The following RBFOX1 variants were observed in gnomAD, a reference collection of about 807,000 sequenced individuals.
RBFOX1 encodes RNA binding fox-1 homolog 1, also known as RNA binding protein fox-1 homolog 1.
Under a neutral mutation model 57.7 loss-of-function variants are expected in RBFOX1, and 8 were observed. That is an observed-to-expected ratio of 0.14 (90% CI 0.08 to 0.25). The LOEUF (loss-of-function observed/expected upper bound fraction) is 0.25. Ranked by LOEUF, RBFOX1 falls within the 10% of genes least tolerant of loss-of-function variation. RBFOX1 has a pLI of 1.00. For synonymous variants in RBFOX1, 326 were observed against 222.4 expected (o/e 1.47, Z -4.15); for missense variants, 611 against 548.5 (o/e 1.11, Z -1.14).
At chr16:7,391,580 G>A (rs962409903) in intron 4 of RBFOX1, among the ~76,000 whole-genome samples, 1 of 152,146 alleles carries the variant, frequency 6.6e-6, no homozygotes, top group Admixed American at 6.5e-5. Flanking sequence ...TACCTTTACT[G>A]TATCACTTTA....
intron 4 of RBFOX1, among the ~76,000 whole-genome samples, chr16:7,287,028 G>A (rs1301420901): frequency 6.6e-6 from 1 of 152,300 alleles, no homozygotes; most frequent in Non-Finnish European, 1.5e-5. Flanking sequence ...ATGCGTGATA[G>A]AAGCTGTAGG....
chr16:6,158,402 C>G (rs1438573898), intron 1 of RBFOX1, among the ~76,000 whole-genome samples: 2 of 152,140 alleles, frequency 1.3e-5, no homozygotes, highest in Non-Finnish European at 2.9e-5. Context: ...TAATGGCAGC[C>G]CGTTCCAGTC....
intron 2 of RBFOX1, among the ~76,000 whole-genome samples, chr16:6,540,611 CAAAAAAA>C (rs140566519): frequency 3.8e-4 from 26 of 67,666 alleles, no homozygotes; most frequent in Admixed American, 1.3e-3. Flanking sequence ...GACTCTGTCT[CAAAAAAA>C]AAAAAAAAAA....
At chr16:6,388,262 G>A (rs1218581432) in intron 2 of RBFOX1, among the ~76,000 whole-genome samples, 1 of 151,924 alleles carries the variant, frequency 6.6e-6, no homozygotes, top group Non-Finnish European at 1.5e-5. Flanking sequence ...CACCGTGCTT[G>A]GTCCTGTCTG....
chr16:7,381,446 A>C (rs1303307556), intron 4 of RBFOX1, among the ~76,000 whole-genome samples: 1 of 152,122 alleles, frequency 6.6e-6, no homozygotes, highest in Non-Finnish European at 1.5e-5. Context: ...TGTTTTCTCA[A>C]TGATCTGTTA....
At chr16:5,289,427 T>C in intron 1 of RBFOX1, 1 of 280,476 alleles carries the variant, frequency 3.6e-6, no homozygotes, top group Non-Finnish European at 7.0e-6. Flanking sequence ...GTGCGAGAAG[T>C]ATCAAATACA....
chr16:5,843,035 G>A (rs988260303), intron 3 of RBFOX1, among the ~76,000 whole-genome samples: 11 of 151,954 alleles, frequency 7.2e-5, no homozygotes, highest in East Asian at 1.9e-4. Context: ...CACCATGTTG[G>A]CCAGGCTGGT....
rs147962175 is a variant in RBFOX1 at position 5,865,817 on chromosome 16, C to T, written c.319-1486C>T. ...TTCAAGATGAAGGTACCAGCAGACT[C>T]GGTATGAGAAAAGGGTCTGCTCATT... On this transcript the variant is annotated intron_variant, in intron 3 of 19. Transcript: ENST00000641259. 1.3e-3 allele frequency among the ~76,000 whole-genome samples: 197 copies of T among 152,142 alleles called. 1 individual carries two copies. The highest frequency in any genetic ancestry group is 4.5e-3 in the African/African-American group (188 of 41,502).
At chr16:6,931,340 T>TCTACACACACACAC (rs139959481) in intron 3 of RBFOX1, among the ~76,000 whole-genome samples, 1 of 106,938 alleles carries the variant, frequency 9.4e-6, no homozygotes, top group Non-Finnish European at 2.1e-5. Flanking sequence ...TATCTATCTC[T>TCTACACACACACAC]ACACACACAC....
At chr16:6,611,330 A>G (rs1332572866) in intron 2 of RBFOX1, among the ~76,000 whole-genome samples, 5 of 152,130 alleles carry the variant, frequency 3.3e-5, no homozygotes, top group African/African-American at 1.2e-4. Context: ...TATTTTTAGT[A>G]GAGACAGGGT....
At chr16:5,724,961 T>C (rs779636599) in intron 3 of RBFOX1, among the ~76,000 whole-genome samples, 33 of 152,182 alleles carry the variant, frequency 2.2e-4, no homozygotes, top group African/African-American at 3.4e-4. Context: ...AAGGGCCATG[T>C]ATCAGGAGGT....
chr16:6,289,074 A>T (rs940096110), intron 1 of RBFOX1, among the ~76,000 whole-genome samples: 9 of 152,138 alleles, frequency 5.9e-5, no homozygotes, highest in Admixed American at 5.9e-4. Flanking sequence ...ATTTGTGTTC[A>T]AGATAGAGAA....
chr16:6,237,536 G>T (rs2097514537), intron 1 of RBFOX1, among the ~76,000 whole-genome samples: 1 of 152,128 alleles, frequency 6.6e-6, no homozygotes, highest in South Asian at 2.1e-4. Context: ...GAGGTCAGGA[G>T]TTCAAGACCA....
chr16:6,398,822 T>G (rs1009195168), intron 2 of RBFOX1, among the ~76,000 whole-genome samples: 17 of 152,212 alleles, frequency 1.1e-4, no homozygotes. Context: ...GCTACCATTC[T>G]GGGATCTGGA....
At chr16:6,953,348 A>G (rs2081146276) in intron 3 of RBFOX1, among the ~76,000 whole-genome samples, 1 of 151,078 alleles carries the variant, frequency 6.6e-6, no homozygotes, top group Non-Finnish European at 1.5e-5. Context: ...AATAACATAG[A>G]GATCACAATG....
At chr16:6,245,133 A>G (rs1296432932) in intron 1 of RBFOX1, among the ~76,000 whole-genome samples, 1 of 152,182 alleles carries the variant, frequency 6.6e-6, no homozygotes, top group African/African-American at 2.4e-5. Context: ...TGATAGGTGT[A>G]TGTGAATGAA....
In RBFOX1 at chr16:5,787,643, G is replaced by A. The variant is rs114528758; in HGVS notation, c.319-79660G>A. On this transcript the variant is annotated intron_variant, in intron 3 of 19. Coordinates refer to the RBFOX1 transcript ENST00000641259. ...ATGTGAATGAGAGCTTTGTAGAAAA[G>A]GTGACAAAGAGCTGGATCTCGCAGA... Among the ~76,000 whole-genome samples, 493 of 152,308 alleles carry A rather than the reference G, an allele frequency of 3.2e-3. 6 individuals are homozygous for A. Among genetic ancestry groups the A allele is most frequent in the African/African-American group, 0.011 (473 of 41,568 alleles).
chr16:7,299,278 T>G (rs891178541), intron 4 of RBFOX1, among the ~76,000 whole-genome samples: 4 of 152,222 alleles, frequency 2.6e-5, no homozygotes, highest in Admixed American at 2.0e-4. Context: ...AGGCAAAAGA[T>G]GGCCGTAAAC....
Position 7,392,638 on chromosome 16 carries a change from A to G in RBFOX1, c.28-125509A>G, listed in dbSNP as rs547463759. On this transcript the variant is annotated intron_variant, in intron 4 of 15. Coordinates refer to ENST00000550418, the MANE Select transcript of RBFOX1 (RefSeq NM_018723.4). The stretch of plus-strand genomic sequence containing the variant: ...CAGAGCCACTTTCTCCTAATCCCCT[A>G]TAGGTTAAGCTGAGTAGGTGATAAA... Among the ~76,000 whole-genome samples, 30 of 152,148 alleles carry G rather than the reference A, an allele frequency of 2.0e-4. 1 individual carries two copies. The highest frequency in any genetic ancestry group is 1.8e-3 in the Admixed American group (27 of 15,268).
Sources: allele counts gnomAD v4.1 joint callset (sites outside exome capture counted in the v4.1 genomes callset), GRCh38; gene constraint gnomAD v4.1.1; transcripts MANE v1.5; gene names NCBI Gene and HGNC (gene_info 2026-07-23, HGNC 2026-07-21).